DCP1B: variants seen among roughly 807,000 people sequenced by gnomAD.
DCP1B encodes decapping mRNA 1B.
A neutral mutation model predicts 60.5 loss-of-function variants in DCP1B; 47 were observed. The ratio of observed to expected loss-of-function variants is 0.78; its 90% CI spans 0.61 to 0.99. The LOEUF is 0.99. Among genes scored for constraint, DCP1B ranks in the 50% least tolerant of loss-of-function variants. The pLI, the probability that DCP1B is intolerant of heterozygous loss-of-function variation, is 0.00. For synonymous variants in DCP1B, 267 were observed against 280.3 expected, an observed-to-expected ratio of 0.95 and a Z score of 0.47; for missense variants, 725 against 756.8, an observed-to-expected ratio of 0.96 and a Z score of 0.49.
Position 1,955,996 on chromosome 12 carries a change from T to G in DCP1B, c.523-436A>C, listed in dbSNP as rs560541824. On this transcript the variant is annotated intron_variant, in intron 5 of 8. Transcript: ENST00000280665. The stretch of plus-strand genomic sequence containing the variant: ...AGTAGTTGAGTACATTTCATCAAAG[T>G]AACTAAATCTTTTTTGGTCTACAAA... 1.8e-3 allele frequency among the ~76,000 whole-genome samples: 275 copies of G among 152,298 alleles called. 1 individual carries two copies. The highest frequency in any genetic ancestry group is 6.8e-3 in the Middle Eastern group (2 of 294).
At chr12:1,997,677 T>C (rs2041261545) in intron 2 of DCP1B, among the ~76,000 whole-genome samples, 1 of 152,268 alleles carries the variant, frequency 6.6e-6, no homozygotes, top group Non-Finnish European at 1.5e-5. Flanking sequence ...TAATCTATTT[T>C]AAACAGTGCC....
chr12:1,945,750 G>C (rs1430008859), downstream of DCP1B, among the ~76,000 whole-genome samples: 2 of 152,180 alleles, frequency 1.3e-5, no homozygotes, highest in African/African-American at 2.4e-5. Context: ...GGATGAAGCT[G>C]GAAACCATCA....
intron 2 of DCP1B, among the ~76,000 whole-genome samples, chr12:1,997,501 T>C (rs549473481): frequency 1.8e-4 from 27 of 152,330 alleles, no homozygotes; most frequent in African/African-American, 6.3e-4. Context: ...CACTCCAGCC[T>C]TGGTGACAGA....
downstream of DCP1B, among the ~76,000 whole-genome samples, chr12:1,944,537 T>C (rs1039877496): frequency 1.3e-5 from 2 of 152,176 alleles, no homozygotes; most frequent in Non-Finnish European, 2.9e-5. Context: ...CAAACTATAC[T>C]ACAAGGCTAC....
At chr12:1,999,477 T>C (rs1372809901) in intron 1 of DCP1B, among the ~76,000 whole-genome samples, 1 of 152,200 alleles carries the variant, frequency 6.6e-6, no homozygotes, top group East Asian at 1.9e-4. Flanking sequence ...TCTGGGAGGC[T>C]GAGGCAGGCA....
intron 5 of DCP1B, among the ~76,000 whole-genome samples, chr12:1,963,624 T>C (rs1482211107): frequency 1.3e-5 from 2 of 152,214 alleles, no homozygotes; most frequent in Non-Finnish European, 2.9e-5. Context: ...CTGTTGATGT[T>C]AGAATGTGGT....
intron 3 of DCP1B, among the ~76,000 whole-genome samples, chr12:1,987,121 C>T (rs943457396): frequency 7.2e-5 from 11 of 152,214 alleles, no homozygotes; most frequent in African/African-American, 2.7e-4. Flanking sequence ...CTTACAGGAA[C>T]TCCCAGCTTT....
chr12:1,944,409 T>C (rs2030356569), downstream of DCP1B, among the ~76,000 whole-genome samples: 1 of 152,238 alleles, frequency 6.6e-6, no homozygotes, highest in Non-Finnish European at 1.5e-5. Flanking sequence ...CCATTGACTT[T>C]CTTCACAGAA....
intron 3 of DCP1B, among the ~76,000 whole-genome samples, chr12:1,976,769 G>GA (rs1343254105): frequency 2.9e-5 from 4 of 137,590 alleles, no homozygotes; most frequent in African/African-American, 1.1e-4. Context: ...TTTGGGAGGT[G>GA]AAAAAGTGCA....
At chr12:1,981,394 T>A (rs1424539570) in intron 3 of DCP1B, among the ~76,000 whole-genome samples, 1 of 152,226 alleles carries the variant, frequency 6.6e-6, no homozygotes, top group Non-Finnish European at 1.5e-5. Flanking sequence ...TATTTAATTG[T>A]GCACATTTAA....
rs1323922344 is a variant in DCP1B at position 1,971,808 on chromosome 12, TTC to T, written c.320-3900_320-3899del. The stretch of plus-strand genomic sequence containing the variant: ...TCTCATTTATGTTCCTAATAAATAT[TTC>T]TGTTTGATCTGTTCTTTTAAGATAT... On this transcript the variant is annotated intron_variant, in intron 3 of 8. Coordinates refer to ENST00000280665, the MANE Select transcript of DCP1B (RefSeq NM_152640.5). The surrounding 1 kb of genome is among the most constrained non-coding windows in gnomAD (Gnocchi z 4.2). Among the ~76,000 whole-genome samples the T allele has an allele frequency of 6.6e-6, 1 of 152,254 alleles. No homozygotes were observed. The highest frequency in any genetic ancestry group is 2.4e-5 in the African/African-American group (1 of 41,466).
At chr12:1,993,669 G>A (rs1449293955) in intron 2 of DCP1B, among the ~76,000 whole-genome samples, 1 of 121,076 alleles carries the variant, frequency 8.3e-6, no homozygotes, top group Non-Finnish European at 1.8e-5. Context: ...TACAGATGTT[G>A]TTTATTTCTT....
At chr12:1,959,605 C>T (rs187929615) in intron 5 of DCP1B, among the ~76,000 whole-genome samples, 824 of 152,282 alleles carry the variant, frequency 5.4e-3, no homozygotes, top group Non-Finnish European at 9.6e-3. Flanking sequence ...CAAGGATGTA[C>T]AGAAAAGGAA....
At position 1,993,434 on chromosome 12, in the gene DCP1B, G is replaced by A. The variant is rs181656687; in HGVS notation, c.192-43C>T. On this transcript the variant is annotated intron_variant, in intron 2 of 8. Transcript: ENST00000280665. ...TCAGGGGGAAATCAATAGACAAATTGCTTAGTATGCTATATTTTCAGTATA... is the reference window on the plus strand; with the variant it reads ...TCAGGGGGAAATCAATAGACAAATTACTTAGTATGCTATATTTTCAGTATA... 42 of 1,591,956 alleles carry A rather than the reference G, an allele frequency of 2.6e-5. No individual in the cohort carries two copies. In the East Asian group the frequency reaches 9.2e-4, roughly 35 times the overall value.
chr12:1,943,724 C>T (rs193224638), downstream of DCP1B, among the ~76,000 whole-genome samples: 205 of 152,128 alleles, frequency 1.3e-3, no homozygotes, highest in South Asian at 6.9e-3. Context: ...AAAAGGCCTT[C>T]GATAAAATTC....
downstream of DCP1B, among the ~76,000 whole-genome samples, chr12:1,943,607 C>T (rs57999165): frequency 0.012 from 1,858 of 152,330 alleles, 37 homozygotes; most frequent in African/African-American, 0.043. Flanking sequence ...ATGTCAGCTT[C>T]ATCCCTCGGA....
intron 3 of DCP1B, chr12:1,991,349 A>G (rs1194096334): frequency 9.5e-6 from 4 of 418,954 alleles, no homozygotes; most frequent in Non-Finnish European, 1.4e-5. Flanking sequence ...AAAATAAAAT[A>G]TGAAAAACAA....
At position 1,946,066 on chromosome 12, in the gene DCP1B, C is replaced by T; in HGVS notation, c.*140G>A. ...AAAACACTTGAGTATAAAAAAAAGT[C>T]TGAAACATTTTACTTCATATTACAC... On this transcript the variant is annotated 3_prime_UTR_variant, in exon 9 of 9. Coordinates refer to ENST00000280665, the MANE Select transcript of DCP1B (RefSeq NM_152640.5). The T allele has an allele frequency of 3.3e-6, 2 of 606,524 alleles. No individual in the cohort carries two copies. Among genetic ancestry groups the T allele is most frequent in the East Asian group, 3.1e-5 (1 of 32,014 alleles). 37.6% of individuals were successfully genotyped at this position (606,524 alleles called of 1,614,324 possible).
chr12:1,999,903 C>T (rs1042075738), intron 1 of DCP1B, among the ~76,000 whole-genome samples: 1 of 152,092 alleles, frequency 6.6e-6, no homozygotes, highest in Admixed American at 6.5e-5. Flanking sequence ...TCGTTTGCCC[C>T]TGTACTTTGA....
Sources: allele counts gnomAD v4.1 joint callset (sites outside exome capture counted in the v4.1 genomes callset), GRCh38; gene constraint gnomAD v4.1.1; non-coding constraint Gnocchi (gnomAD v3.1); transcripts MANE v1.5; gene names NCBI Gene and HGNC (gene_info 2026-07-23, HGNC 2026-07-21).